Variants in NMU observed in about 807,000 individuals in gnomAD.
The protein encoded by NMU is neuromedin U.
A neutral mutation model predicts 35.4 loss-of-function variants in NMU; 29 were observed. The ratio of observed to expected loss-of-function variants is 0.82; its 90% CI spans 0.61 to 1.12. NMU has a LOEUF of 1.12. NMU is among the 50% of genes most tolerant of loss of function. The pLI, the probability that NMU is intolerant of heterozygous loss-of-function variation, is 0.00. For missense variants in NMU, 199 were observed against 206.2 expected (o/e 0.97, Z 0.21); for synonymous variants, 78 against 81.3 (o/e 0.96, Z 0.22).
chr4:55,618,834 CTTTT>C (rs1379509066), intron 2 of NMU, among the ~76,000 whole-genome samples: 1 of 143,212 alleles, frequency 7.0e-6, no homozygotes, highest in African/African-American at 2.6e-5. Flanking sequence ...TTTCTTCTTT[CTTTT>C]CTCTCTCTTT....
Position 55,609,199 on chromosome 4 carries a change from A to G in NMU, c.220-20T>C. 6.3e-7 allele frequency: 1 copy of G among 1,583,722 alleles called. No individual in the cohort carries two copies. Among genetic ancestry groups the G allele is most frequent in the Non-Finnish European group, 8.7e-7 (1 of 1,152,020 alleles). On this transcript the variant is annotated intron_variant, in intron 3 of 9. Coordinates refer to ENST00000264218, the MANE Select transcript of NMU (RefSeq NM_006681.4). ...GGATGCCTAACAGAAATGAGAAGAT[A>G]TGTAAGTTATGCTTCTGCTTTAACG...
At chr4:55,614,722 T>A (rs1054830300) in intron 3 of NMU, among the ~76,000 whole-genome samples, 1 of 152,194 alleles carries the variant, frequency 6.6e-6, no homozygotes, top group Non-Finnish European at 1.5e-5. Flanking sequence ...CTTGATGAAG[T>A]TTAAATGAGT....
chr4:55,611,945 G>GA (rs1733950866), intron 3 of NMU, among the ~76,000 whole-genome samples: 2 of 152,342 alleles, frequency 1.3e-5, no homozygotes, highest in South Asian at 4.1e-4. Context: ...AAGGTTCTAA[G>GA]AGACTGTCAC....
chr4:55,625,626 T>G (rs1043479717), intron 2 of NMU, among the ~76,000 whole-genome samples: 2 of 152,208 alleles, frequency 1.3e-5, no homozygotes, highest in Non-Finnish European at 2.9e-5. Flanking sequence ...TCATTAGCCT[T>G]GCTTTACTTA....
intron 3 of NMU, among the ~76,000 whole-genome samples, chr4:55,611,641 T>C (rs1017122793): frequency 6.6e-6 from 1 of 152,216 alleles, no homozygotes; most frequent in Non-Finnish European, 1.5e-5. Context: ...ATTATGTATT[T>C]ACTGTACCTT....
At chr4:55,628,719 A>G (rs543073872) in intron 2 of NMU, among the ~76,000 whole-genome samples, 1 of 152,096 alleles carries the variant, frequency 6.6e-6, no homozygotes, top group African/African-American at 2.4e-5. Context: ...CGAGCTCCTG[A>G]TCTTGTGATC....
At chr4:55,599,251 T>C (rs1387198) in intron 8 of NMU, 70 bp from the exon 9 acceptor site, 1,206,048 of 1,229,600 alleles carry the variant, frequency 0.98, 591,652 homozygotes, top group East Asian at 1. Flanking sequence ...AGAAACAGAT[T>C]GATGATTTAG....
intron 8 of NMU, 37 bp downstream of exon 8, chr4:55,600,485 T>G: frequency 7.5e-7 from 1 of 1,325,962 alleles, no homozygotes; most frequent in East Asian, 2.3e-5. Context: ...TAAATTTTGG[T>G]GTAGATTGAT....
At chr4:55,604,628 C>G (rs374270500) in intron 7 of NMU, among the ~76,000 whole-genome samples, 56 of 141,584 alleles carry the variant, frequency 4.0e-4, no homozygotes, top group African/African-American at 1.4e-3. Flanking sequence ...ATTCTTGTGC[C>G]TCAGTCTCCG....
chr4:55,615,078 T>A (rs925515879), intron 3 of NMU, among the ~76,000 whole-genome samples: 2 of 152,138 alleles, frequency 1.3e-5, no homozygotes, highest in Admixed American at 6.5e-5. Context: ...GGCCAAACTA[T>A]GTAGGGAGTA....
chr4:55,603,939 A>ACG (rs1377879491), intron 7 of NMU, among the ~76,000 whole-genome samples: 1 of 63,850 alleles, frequency 1.6e-5, no homozygotes, highest in Non-Finnish European at 3.0e-5. Context: ...ATATATATAT[A>ACG]TATATATGTA....
intron 2 of NMU, among the ~76,000 whole-genome samples, chr4:55,627,554 T>A (rs1734583503): frequency 6.6e-6 from 1 of 152,146 alleles, no homozygotes; most frequent in African/African-American, 2.4e-5. Flanking sequence ...TCTATTTTCT[T>A]CATTAGAAAT....
rs560205539 is a variant in NMU at position 55,598,246 on chromosome 4, C to T, written c.*4+896G>A. Among the ~76,000 whole-genome samples the T allele has an allele frequency of 5.9e-5, 9 of 152,100 alleles. No individual in the cohort carries two copies. The South Asian group carries it at 1.9e-3, about 32-fold the overall frequency. On this transcript the variant is annotated intron_variant, in intron 9 of 9. Coordinates refer to ENST00000264218, the MANE Select transcript of NMU (RefSeq NM_006681.4). Reference sequence around the variant, plus strand: ...AGCTAGGACTACAGGCATGCACCACCACATCTGGCTAATTTTTTTCTTAAG... The same window carrying T: ...AGCTAGGACTACAGGCATGCACCACTACATCTGGCTAATTTTTTTCTTAAG...
At chr4:55,632,244 A>T (rs1223480333) in intron 1 of NMU, among the ~76,000 whole-genome samples, 1 of 152,158 alleles carries the variant, frequency 6.6e-6, no homozygotes, top group Non-Finnish European at 1.5e-5. Flanking sequence ...AAAACTCAGA[A>T]AATCAGTCTG....
chr4:55,635,338 T>A (rs762934975), intron 1 of NMU, among the ~76,000 whole-genome samples: 26 of 152,234 alleles, frequency 1.7e-4, no homozygotes, highest in Non-Finnish European at 1.0e-4. Flanking sequence ...TTGCGTTTCC[T>A]ATTTCTTCCC....
chr4:55,629,474 C>G (rs1734672074), intron 2 of NMU, among the ~76,000 whole-genome samples: 1 of 151,764 alleles, frequency 6.6e-6, no homozygotes, highest in African/African-American at 2.4e-5. Context: ...CAAAAATTAG[C>G]TGGGCATGAT....
At chr4:55,609,329 T>G (rs2110193661) in intron 3 of NMU, 150 bp from the exon 4 acceptor site, 1 of 677,212 alleles carries the variant, frequency 1.5e-6, no homozygotes. Context: ...TGGAATCCTT[T>G]GATTTCTCTC....
rs2110191002 is a variant in NMU at position 55,607,302 on chromosome 4, A to G, written c.356T>C (p.Val119Ala). The G allele has an allele frequency of 1.2e-6, 2 of 1,605,216 alleles. No individual in the cohort carries two copies. Among genetic ancestry groups the G allele is most frequent in the East Asian group, 4.5e-5 (2 of 44,640 alleles). ...SKTQKLGKSN[V>A]VSSVVHPLLQ... ...AGAAGTAGTTCTACAACTTACCACA[A>G]CATTTGACTTGCCCAACTTCTGTGT... The change falls in exon 6 of 10, where the codon GTT (valine) becomes GCT (alanine). Residue 119 changes from valine to alanine, a missense_variant. Physicochemically the swap from Val to Ala is moderately conservative, Grantham distance 64. Transcript: ENST00000264218.
intron 3 of NMU, among the ~76,000 whole-genome samples, chr4:55,609,775 C>T (rs1335600848): frequency 6.6e-6 from 1 of 152,130 alleles, no homozygotes; most frequent in African/African-American, 2.4e-5. Flanking sequence ...TGGTTAGCAG[C>T]CAGCTGGGTG....
Sources: allele counts gnomAD v4.1 joint callset (sites outside exome capture counted in the v4.1 genomes callset), GRCh38; gene constraint gnomAD v4.1.1; transcripts MANE v1.5; gene names NCBI Gene and HGNC (gene_info 2026-07-23, HGNC 2026-07-21).